The following PDSS2 variants were observed in gnomAD, a reference collection of about 807,000 sequenced individuals.
PDSS2 encodes decaprenyl diphosphate synthase subunit 2.
A neutral mutation model predicts 44.5 loss-of-function variants in PDSS2; 31 were observed. That is an observed-to-expected ratio of 0.70 (90% CI 0.52 to 0.94). The LOEUF (loss-of-function observed/expected upper bound fraction) is 0.94, where lower values mean the gene tolerates loss of function less well. Ranked by LOEUF, PDSS2 falls within the 40% of genes least tolerant of loss-of-function variation. PDSS2 has a pLI of 0.00. For missense variants in PDSS2, 452 were observed against 482.2 expected, an observed-to-expected ratio of 0.94 and a Z score of 0.59; for synonymous variants, 157 against 180.3, an observed-to-expected ratio of 0.87 and a Z score of 1.03.
At chr6:107,282,088 T>C (rs1176225656) in intron 2 of PDSS2, among the ~76,000 whole-genome samples, 1 of 152,090 alleles carries the variant, frequency 6.6e-6, no homozygotes, top group East Asian at 1.9e-4. Flanking sequence ...GTATTTTTAG[T>C]AGAGATGGGG....
At chr6:107,258,319 T>C (rs1775093521) in intron 3 of PDSS2, among the ~76,000 whole-genome samples, 1 of 152,186 alleles carries the variant, frequency 6.6e-6, no homozygotes, top group African/African-American at 2.4e-5. Context: ...TTTTTCTTCA[T>C]GTGTCATGCC....
Position 107,265,713 on chromosome 6 carries a change from A to T in PDSS2, c.630+8316T>A, listed in dbSNP as rs113632301. Among the ~76,000 whole-genome samples the T allele has an allele frequency of 5.3e-3, 812 of 152,300 alleles. 6 individuals carry two copies. The highest frequency in any genetic ancestry group is 0.019 in the African/African-American group (798 of 41,564). On this transcript the variant is annotated intron_variant, in intron 3 of 7. Transcript: ENST00000369037. ...TCCTAGCACCTTGGGAGGCTGAGGC[A>T]GGTGGATCACCTGAGGTTAGGAGTT...
intron 3 of PDSS2, 104 bp from the exon 4 acceptor site, chr6:107,245,723 G>C: frequency 1.4e-6 from 1 of 692,960 alleles, no homozygotes; most frequent in Non-Finnish European, 2.4e-6. Context: ...ATTTTTCTGT[G>C]CTTGACAGAA....
At chr6:107,285,937 C>T (rs926399766) in intron 2 of PDSS2, among the ~76,000 whole-genome samples, 2 of 151,204 alleles carry the variant, frequency 1.3e-5, no homozygotes, top group Non-Finnish European at 2.9e-5. Flanking sequence ...GTCAGGAATT[C>T]GAGACTACCC....
chr6:107,217,713 A>C (rs1773460218), intron 4 of PDSS2, among the ~76,000 whole-genome samples: 1 of 152,234 alleles, frequency 6.6e-6, no homozygotes, highest in Non-Finnish European at 1.5e-5. Context: ...CATGTCCAGG[A>C]ATTAATCCTA....
chr6:107,451,568 T>C (rs574422707), intron 1 of PDSS2, among the ~76,000 whole-genome samples: 1 of 152,288 alleles, frequency 6.6e-6, no homozygotes, highest in East Asian at 1.9e-4. Context: ...GCTTCTTTCT[T>C]GTAAACATGC....
At chr6:107,348,512 T>C (rs1778324780) in intron 1 of PDSS2, among the ~76,000 whole-genome samples, 1 of 152,220 alleles carries the variant, frequency 6.6e-6, no homozygotes, top group Non-Finnish European at 1.5e-5. Flanking sequence ...TTATTATTGG[T>C]ACAGGCTAAA....
chr6:107,453,813 T>C (rs530893815), intron 1 of PDSS2, among the ~76,000 whole-genome samples: 12 of 152,270 alleles, frequency 7.9e-5, no homozygotes, highest in Admixed American at 2.0e-4. Context: ...GAAAGAATCA[T>C]GAAGGAAAAA....
intron 2 of PDSS2, among the ~76,000 whole-genome samples, chr6:107,310,583 A>C (rs939176911): frequency 6.6e-6 from 1 of 152,200 alleles, no homozygotes; most frequent in Non-Finnish European, 1.5e-5. Flanking sequence ...ATCATTTACA[A>C]ACCACTGTCT....
intron 1 of PDSS2, among the ~76,000 whole-genome samples, chr6:107,336,013 G>GC (rs1388962269): frequency 1.5e-5 from 2 of 137,208 alleles, no homozygotes; most frequent in Non-Finnish European, 3.2e-5. Flanking sequence ...CCCGGGGTGG[G>GC]GGGGGTGGGG....
In PDSS2 at chr6:107,296,467, C is replaced by T. The variant is rs548062689; in HGVS notation, c.432-22240G>A. Reference sequence around the variant, plus strand: ...TCAATGGGGCATGGTGGCTCACGCCCGTAATCCCAGCACTTTGGGAGGCTG... The same window carrying T: ...TCAATGGGGCATGGTGGCTCACGCCTGTAATCCCAGCACTTTGGGAGGCTG... On this transcript the variant is annotated intron_variant, in intron 2 of 7. Coordinates refer to ENST00000369037, the MANE Select transcript of PDSS2 (RefSeq NM_020381.4). Among the ~76,000 whole-genome samples the T allele has an allele frequency of 5.3e-5, 8 of 152,206 alleles. No homozygotes were observed. In the East Asian group the frequency reaches 1.2e-3, roughly 22 times the overall value.
intron 2 of PDSS2, among the ~76,000 whole-genome samples, chr6:107,312,987 T>C (rs1209390909): frequency 6.6e-6 from 1 of 152,142 alleles, no homozygotes; most frequent in Non-Finnish European, 1.5e-5. Context: ...GGTAGGCGAG[T>C]AGCAGAGTCA....
chr6:107,429,290 G>A (rs1286305339), intron 1 of PDSS2, among the ~76,000 whole-genome samples: 2 of 152,154 alleles, frequency 1.3e-5, no homozygotes, highest in African/African-American at 2.4e-5. Context: ...AAGAAGCCAT[G>A]CACAAGCTAA....
intron 4 of PDSS2, among the ~76,000 whole-genome samples, chr6:107,212,635 A>G (rs1773260201): frequency 6.6e-6 from 1 of 152,192 alleles, no homozygotes; most frequent in Admixed American, 6.5e-5. Flanking sequence ...ATTAAGCACA[A>G]GAAGCCTATT....
chr6:107,362,378 T>G (rs1778807084), intron 1 of PDSS2, among the ~76,000 whole-genome samples: 1 of 152,210 alleles, frequency 6.6e-6, no homozygotes, highest in Non-Finnish European at 1.5e-5. Context: ...GCGTAACTTC[T>G]GACCAGTCTT....
At chr6:107,298,907 T>G (rs1204913588) in intron 2 of PDSS2, among the ~76,000 whole-genome samples, 2 of 152,050 alleles carry the variant, frequency 1.3e-5, no homozygotes, top group African/African-American at 4.8e-5. Context: ...TTTGGGAGGC[T>G]GAGGCAGGCG....
At chr6:107,170,084 T>A (rs147570110) in intron 7 of PDSS2, among the ~76,000 whole-genome samples, 10,662 of 152,244 alleles carry the variant, frequency 0.07, 399 homozygotes, top group African/African-American at 0.099. Flanking sequence ...AGGTGGAGTC[T>A]ACAGAGGCAG....
chr6:107,381,695 G>C (rs1779459718), intron 1 of PDSS2, among the ~76,000 whole-genome samples: 1 of 152,070 alleles, frequency 6.6e-6, no homozygotes. Context: ...TGAACTTTTT[G>C]ACTTCCATAT....
At chr6:107,216,457 A>G (rs2114657483) in intron 4 of PDSS2, among the ~76,000 whole-genome samples, 1 of 152,334 alleles carries the variant, frequency 6.6e-6, no homozygotes, top group Non-Finnish European at 1.5e-5. Context: ...TGGACAACAG[A>G]GCCAGACTCC....
Sources: allele counts gnomAD v4.1 joint callset (sites outside exome capture counted in the v4.1 genomes callset), GRCh38; gene constraint gnomAD v4.1.1; transcripts MANE v1.5; gene names NCBI Gene and HGNC (gene_info 2026-07-23, HGNC 2026-07-21).